Variants in BCAT1 observed in about 807,000 individuals in gnomAD.
BCAT1 encodes the protein branched chain amino acid transaminase 1.
BCAT1 carries 48 observed loss-of-function variants against 52.4 expected under a neutral mutation model. The observed-to-expected ratio is 0.92, with a 90% CI of 0.73 to 1.16. The LOEUF (loss-of-function observed/expected upper bound fraction) is 1.16. Ranked by LOEUF, BCAT1 falls within the 50% of genes most tolerant of loss-of-function variation. BCAT1 has a pLI of 0.00. For missense variants in BCAT1, 451 were observed against 457.1 expected, an observed-to-expected ratio of 0.99 and a Z score of 0.12; for synonymous variants, 167 against 161.3, an observed-to-expected ratio of 1.04 and a Z score of -0.27.
intron 10 of BCAT1, among the ~76,000 whole-genome samples, chr12:24,818,368 G>A (rs75185503): frequency 0.035 from 5,285 of 152,242 alleles, 124 homozygotes; most frequent in Middle Eastern, 0.11. Flanking sequence ...TTAGGTACAT[G>A]CCTTTTCATT....
intron 5 of BCAT1, among the ~76,000 whole-genome samples, chr12:24,866,273 G>A (rs928415230): frequency 2.0e-5 from 3 of 152,222 alleles, no homozygotes; most frequent in African/African-American, 4.8e-5. Context: ...GCCCACCGGC[G>A]CCGCGCTAGA....
At chr12:24,859,109 T>C (rs1330093081) in intron 5 of BCAT1, among the ~76,000 whole-genome samples, 1 of 152,214 alleles carries the variant, frequency 6.6e-6, no homozygotes, top group Non-Finnish European at 1.5e-5. Flanking sequence ...ATGGTAAAAT[T>C]GATTAAGATT....
intron 1 of BCAT1, among the ~76,000 whole-genome samples, chr12:24,939,285 G>C (rs1943815039): frequency 6.6e-6 from 1 of 152,168 alleles, no homozygotes; most frequent in Non-Finnish European, 1.5e-5. Flanking sequence ...GGTAGCCTTG[G>C]TAGGAGCTAC....
intron 3 of BCAT1, among the ~76,000 whole-genome samples, chr12:24,887,352 C>A (rs1164958264): frequency 6.6e-6 from 1 of 151,856 alleles, no homozygotes; most frequent in Non-Finnish European, 1.5e-5. Flanking sequence ...GTTGGTCCTT[C>A]CTGGTTAGAT....
At position 24,810,807 on chromosome 12, in the gene BCAT1, G is replaced by A. The variant is rs1281160432; in HGVS notation, c.*7201C>T. On this transcript the variant is annotated 3_prime_UTR_variant, in exon 11 of 11. Transcript: ENST00000261192. ...TCATTTGGGCAAATTATAAGAAAAT[G>A]AATACAAAATGTGTGACCCTTGGGT... The A allele has an allele frequency of 6.6e-6, 1 of 152,184 alleles. No homozygotes were observed. The highest frequency in any genetic ancestry group is 1.5e-5 in the Non-Finnish European group (1 of 68,034). The allele number at this position is 152,184 out of a possible 1,614,324, so 9.4% of individuals were successfully genotyped here.
At chr12:24,892,047 T>A (rs942079926) in intron 3 of BCAT1, among the ~76,000 whole-genome samples, 2 of 150,836 alleles carry the variant, frequency 1.3e-5, no homozygotes, top group Admixed American at 1.3e-4. Context: ...GTGAGCCACC[T>A]CGCCTGGCCG....
intron 5 of BCAT1, among the ~76,000 whole-genome samples, chr12:24,864,408 T>C (rs1941942407): frequency 1.3e-5 from 2 of 152,012 alleles, no homozygotes; most frequent in South Asian, 4.2e-4. Flanking sequence ...GAAGAAGATA[T>C]TGAGTCAAGT....
Position 24,817,925 on chromosome 12 carries a change from C to T in BCAT1, c.*83G>A. 1 of 1,439,194 alleles carries T rather than the reference C, an allele frequency of 6.9e-7. No homozygotes were observed. Among genetic ancestry groups the T allele is most frequent in the Non-Finnish European group, 9.7e-7 (1 of 1,028,320 alleles). The allele number at this position is 1,439,194 out of a possible 1,614,324, so 89.2% of individuals were successfully genotyped here. Reference sequence around the variant, plus strand: ...ATTATGCACAGGTAGCCAAAGAAATCTATCACAATTCAAATGCAACAGTCT... The same window carrying T: ...ATTATGCACAGGTAGCCAAAGAAATTTATCACAATTCAAATGCAACAGTCT... On this transcript the variant is annotated 3_prime_UTR_variant, in exon 11 of 11. Coordinates refer to ENST00000261192, the MANE Select transcript of BCAT1 (RefSeq NM_005504.7).
intron 1 of BCAT1, among the ~76,000 whole-genome samples, chr12:24,912,482 T>C (rs1256829717): frequency 1.3e-5 from 2 of 152,124 alleles, no homozygotes; most frequent in Non-Finnish European, 2.9e-5. Flanking sequence ...ATTGCGCCAC[T>C]GCACTCCAGC....
At chr12:24,931,038 G>C (rs1468161825) in intron 1 of BCAT1, among the ~76,000 whole-genome samples, 1 of 151,776 alleles carries the variant, frequency 6.6e-6, no homozygotes. Context: ...AAGTAGCTGG[G>C]ACTACAGGAG....
chr12:24,832,694 G>A (rs1040276650), intron 9 of BCAT1, 29 bp downstream of exon 9: 1 of 1,574,886 alleles, frequency 6.3e-7, no homozygotes, highest in African/African-American at 1.4e-5. Flanking sequence ...GATTGGAAAT[G>A]ATAGGAAATG....
At chr12:24,901,083 GCA>G (rs1943090778) in intron 2 of BCAT1, among the ~76,000 whole-genome samples, 2 of 152,150 alleles carry the variant, frequency 1.3e-5, no homozygotes, top group Non-Finnish European at 2.9e-5. Flanking sequence ...CCAATGCATG[GCA>G]CAGTCTCCAG....
chr12:24,882,136 A>G (rs909026515), intron 3 of BCAT1, among the ~76,000 whole-genome samples: 1 of 152,252 alleles, frequency 6.6e-6, no homozygotes, highest in Non-Finnish European at 1.5e-5. Context: ...AACAACAGGA[A>G]GAACAAACTT....
chr12:24,825,839 G>A (rs1324013407), intron 10 of BCAT1, among the ~76,000 whole-genome samples: 1 of 152,182 alleles, frequency 6.6e-6, no homozygotes, highest in East Asian at 1.9e-4. Context: ...TCTTTGCTGT[G>A]GAGAAGCTTT....
chr12:24,842,685 G>A (rs1173553494), intron 6 of BCAT1, among the ~76,000 whole-genome samples: 1 of 152,152 alleles, frequency 6.6e-6, no homozygotes, highest in Non-Finnish European at 1.5e-5. Context: ...AGCAGCAAGT[G>A]TGAGCGCTCT....
intron 3 of BCAT1, among the ~76,000 whole-genome samples, 183 bp downstream of exon 3, chr12:24,894,092 A>T (rs1355386959): frequency 6.6e-6 from 1 of 152,170 alleles, no homozygotes; most frequent in East Asian, 1.9e-4. Flanking sequence ...TATCTGAAAA[A>T]TTAGCTGCTA....
intron 1 of BCAT1, among the ~76,000 whole-genome samples, chr12:24,917,470 C>T (rs560130950): frequency 1.5e-4 from 23 of 152,354 alleles, no homozygotes; most frequent in Admixed American, 1.4e-3. Flanking sequence ...GCGTGAGCCA[C>T]TGCGCCCAGA....
chr12:24,870,293 C>T (rs1297802205), intron 5 of BCAT1, among the ~76,000 whole-genome samples: 1 of 152,022 alleles, frequency 6.6e-6, no homozygotes, highest in Non-Finnish European at 1.5e-5. Flanking sequence ...GATATATATA[C>T]ATGTTATAAA....
chr12:24,825,529 G>C (rs7970415), intron 10 of BCAT1, among the ~76,000 whole-genome samples: 29,715 of 148,542 alleles, frequency 0.2, 3,893 homozygotes, highest in East Asian at 0.48. Context: ...TTGTGGTTTT[G>C]TTTTGCATTT....
Sources: allele counts gnomAD v4.1 joint callset (sites outside exome capture counted in the v4.1 genomes callset), GRCh38; gene constraint gnomAD v4.1.1; transcripts MANE v1.5; gene names NCBI Gene and HGNC (gene_info 2026-07-23, HGNC 2026-07-21).